The following FAM83F variants were observed in gnomAD, a reference collection of about 807,000 sequenced individuals.
FAM83F encodes the protein scaffolding CK1 anchoring protein F.
Under a neutral mutation model 42.9 loss-of-function variants are expected in FAM83F, and 45 were observed. The ratio of observed to expected loss-of-function variants is 1.05; its 90% CI spans 0.83 to 1.35. The LOEUF is 1.35. FAM83F is among the 40% of genes most tolerant of loss of function. The pLI is 0.00. For missense variants in FAM83F, 617 were observed against 695.9 expected (o/e 0.89, Z 1.28); for synonymous variants, 306 against 298.3 (o/e 1.03, Z -0.27).
At position 39,995,661 on chromosome 22, in the gene FAM83F, C is replaced by T. The variant is rs1003710249; in HGVS notation, c.489+130C>T. 2 of 1,391,846 alleles carry T rather than the reference C, an allele frequency of 1.4e-6. No homozygotes were observed. Among genetic ancestry groups the T allele is most frequent in the East Asian group, 2.5e-5 (1 of 39,714 alleles). The allele number at this position is 1,391,846 out of a possible 1,614,324, so 86.2% of individuals were successfully genotyped here. ...CTCTGGAAAATGGGCCCCAACCCGC[C>T]CCTACTTCCTGGGGCTGCAGTGAGG... On this transcript the variant is annotated intron_variant, in intron 1 of 4. Coordinates refer to ENST00000333407, the MANE Select transcript of FAM83F (RefSeq NM_138435.4). This position sits in a 1 kb window ranked among gnomAD's most constrained non-coding sequence, Gnocchi z 4.6.
chr22:40,018,803 G>A (rs1216868320), intron 1 of FAM83F, among the ~76,000 whole-genome samples: 1 of 152,070 alleles, frequency 6.6e-6, no homozygotes, highest in African/African-American at 2.4e-5. Context: ...TGGCCAGGCT[G>A]GTCTCAAACT....
intron 4 of FAM83F, among the ~76,000 whole-genome samples, chr22:40,022,887 C>T (rs1394840972): frequency 1.3e-5 from 2 of 152,222 alleles, no homozygotes; most frequent in Non-Finnish European, 2.9e-5. Flanking sequence ...CATTCCTGCA[C>T]ACCAGCTTTA....
At chr22:40,017,386 T>G (rs187292657) in intron 1 of FAM83F, among the ~76,000 whole-genome samples, 1 of 151,982 alleles carries the variant, frequency 6.6e-6, no homozygotes, top group Non-Finnish European at 1.5e-5. Flanking sequence ...GTGCCCACCA[T>G]CATGCCTGGC....
rs2067635827 is a variant in FAM83F at position 40,038,132 on chromosome 22, T to C, written c.*8567T>C. Reference sequence around the variant, plus strand: ...GATAGACCTGGCCTTTACCTTCAAATGTTCAGAACATGGTTAGGAAGATGG... The same window carrying C: ...GATAGACCTGGCCTTTACCTTCAAACGTTCAGAACATGGTTAGGAAGATGG... On this transcript the variant is annotated 3_prime_UTR_variant, in exon 5 of 5. Coordinates refer to ENST00000333407, the MANE Select transcript of FAM83F (RefSeq NM_138435.4). 1 of 152,216 alleles carries C rather than the reference T, an allele frequency of 6.6e-6. No individual in the cohort carries two copies. Among genetic ancestry groups the C allele is most frequent in the Non-Finnish European group, 1.5e-5 (1 of 68,040 alleles). 9.4% of individuals were successfully genotyped at this position (152,216 alleles called of 1,614,324 possible). A position where few individuals can be genotyped will look rare whatever the true frequency, so the allele number is the denominator to read the frequency against.
intron 4 of FAM83F, among the ~76,000 whole-genome samples, chr22:40,024,200 C>G (rs753309793): frequency 1.9e-4 from 29 of 152,272 alleles, no homozygotes; most frequent in Non-Finnish European, 1.6e-4. Flanking sequence ...AGGGTCTCAT[C>G]ATGTTGCCCA....
intron 4 of FAM83F, among the ~76,000 whole-genome samples, chr22:40,022,343 C>T (rs1237577011): frequency 3.3e-5 from 5 of 152,276 alleles, no homozygotes; most frequent in African/African-American, 7.2e-5. Flanking sequence ...AGTGAAGAAA[C>T]GGGGGCTCTG....
intron 4 of FAM83F, among the ~76,000 whole-genome samples, chr22:40,026,216 C>T (rs898511504): frequency 1.3e-5 from 2 of 152,156 alleles, no homozygotes; most frequent in Admixed American, 1.3e-4. Context: ...GCACCGTTTC[C>T]CTGCACCTTT....
In FAM83F at chr22:40,029,708, G is replaced by A. The variant is rs1208609328; in HGVS notation, c.*143G>A. Reference sequence around the variant, plus strand: ...CCTGCAGCCTCCGTCCTGGCCTCAGGGACGCTGGATCCCAAATGAGAGGGT... The same window carrying A: ...CCTGCAGCCTCCGTCCTGGCCTCAGAGACGCTGGATCCCAAATGAGAGGGT... On this transcript the variant is annotated 3_prime_UTR_variant, in exon 5 of 5. Transcript: ENST00000333407. 2 of 1,228,498 alleles carry A rather than the reference G, an allele frequency of 1.6e-6. No homozygotes were observed. Among genetic ancestry groups the A allele is most frequent in the Non-Finnish European group, 2.2e-6 (2 of 900,898 alleles). 76.1% of individuals were successfully genotyped at this position (1,228,498 alleles called of 1,614,324 possible).
intron 2 of FAM83F, 114 bp from the exon 3 acceptor site, chr22:40,019,773 C>A: frequency 1.4e-6 from 2 of 1,381,730 alleles, no homozygotes; most frequent in Non-Finnish European, 1.9e-6. Flanking sequence ...CTAGTGAAGA[C>A]AGGAGCCTGC....
intron 1 of FAM83F, among the ~76,000 whole-genome samples, chr22:40,015,600 G>C (rs1333170510): frequency 1.3e-5 from 2 of 152,268 alleles, no homozygotes; most frequent in East Asian, 3.9e-4. Context: ...CAGTGCCCGT[G>C]TGCAGGACAC....
rs1158456808 is a variant in FAM83F, at chr22:39,995,592, C to A, written c.489+61C>A. On this transcript the variant is annotated intron_variant, in intron 1 of 4. Transcript: ENST00000333407. This position sits in a 1 kb window ranked among gnomAD's most constrained non-coding sequence, Gnocchi z 4.6. ...CTCGGCCCCAGTCCCCTGGACCGGG[C>A]CCCACCTCCCAGGCAGGGCCCGGGG... The A allele has an allele frequency of 3.4e-6, 5 of 1,463,172 alleles. No individual in the cohort carries two copies. The African/African-American group carries it at 5.7e-5, about 17-fold the overall frequency. The allele number at this position is 1,463,172 out of a possible 1,614,324, so 90.6% of individuals were successfully genotyped here. A position where few individuals can be genotyped will look rare whatever the true frequency, so the allele number is the denominator to read the frequency against.
intron 1 of FAM83F, among the ~76,000 whole-genome samples, chr22:40,014,131 C>CT (rs57224519): frequency 0.25 from 29,011 of 116,646 alleles, 3,825 homozygotes; most frequent in South Asian, 0.37. Context: ...TATTTCTTTT[C>CT]TTTTTTTTTT....
intron 1 of FAM83F, among the ~76,000 whole-genome samples, chr22:40,000,109 A>G (rs972783105): frequency 5.3e-5 from 8 of 152,190 alleles, no homozygotes; most frequent in Admixed American, 6.5e-5. Flanking sequence ...ACTGTCTTCT[A>G]TTGGCCGCCT....
At position 40,032,839 on chromosome 22, in the gene FAM83F, G is replaced by C. The variant is rs2067598264; in HGVS notation, c.*3274G>C. 6.6e-6 allele frequency: 1 copy of C among 152,122 alleles called. No homozygotes were observed. Among genetic ancestry groups the C allele is most frequent in the African/African-American group, 2.4e-5 (1 of 41,410 alleles). The allele number at this position is 152,122 out of a possible 1,614,324, so 9.4% of individuals were successfully genotyped here. ...CCGCCTTGGCCTCCCAAAGTGCTGG[G>C]ATTACAGGCCACCGTACCCGGCCAG... On this transcript the variant is annotated 3_prime_UTR_variant, in exon 5 of 5. Transcript: ENST00000333407.
intron 1 of FAM83F, chr22:39,998,040 C>G (rs1428095703): frequency 1.3e-5 from 2 of 152,262 alleles, no homozygotes; most frequent in Non-Finnish European, 2.9e-5. Context: ...CTAGAAAAAC[C>G]CAGCTTCTGC....
intron 1 of FAM83F, among the ~76,000 whole-genome samples, chr22:40,011,642 A>G (rs1386340608): frequency 2.6e-5 from 4 of 152,136 alleles, no homozygotes; most frequent in Admixed American, 1.3e-4. Flanking sequence ...TAACATTTTC[A>G]TTTGAACTAT....
intron 4 of FAM83F, among the ~76,000 whole-genome samples, chr22:40,027,647 G>C (rs1216857085): frequency 6.6e-6 from 1 of 152,236 alleles, no homozygotes; most frequent in South Asian, 2.1e-4. Context: ...CACAGAGTTT[G>C]TCCTCAAGCC....
chr22:40,001,999 G>C (rs1181853356), intron 1 of FAM83F, among the ~76,000 whole-genome samples: 1 of 152,208 alleles, frequency 6.6e-6, no homozygotes, highest in African/African-American at 2.4e-5. Context: ...ATTTGGTGGT[G>C]GTGGGCCGTG....
In FAM83F at chr22:39,995,839, C is replaced by A. The variant is rs571446715; in HGVS notation, c.489+308C>A. Among the ~76,000 whole-genome samples, 2 of 152,336 alleles carry A rather than the reference C, an allele frequency of 1.3e-5. No individual in the cohort carries two copies. Among genetic ancestry groups the A allele is most frequent in the East Asian group, 3.9e-4 (2 of 5,176 alleles). On this transcript the variant is annotated intron_variant, in intron 1 of 4. Coordinates refer to ENST00000333407, the MANE Select transcript of FAM83F (RefSeq NM_138435.4). The surrounding 1 kb of genome is among the most constrained non-coding windows in gnomAD (Gnocchi z 4.6). ...CTTCCTCCCCAGGGAAGACTGGGGGCCGAGGCCCTGTGGTTAAAATGCACC... is the reference window on the plus strand; with the variant it reads ...CTTCCTCCCCAGGGAAGACTGGGGGACGAGGCCCTGTGGTTAAAATGCACC...
Sources: gnomAD v4.1 joint callset for allele counts (sites outside exome capture counted in the v4.1 genomes callset) on GRCh38, gnomAD v4.1.1 for gene constraint, Gnocchi (gnomAD v3.1) non-coding constraint, MANE v1.5 for transcripts, NCBI Gene and HGNC (gene_info 2026-07-23, HGNC 2026-07-21) for gene names.